The following PVT1 variants were observed in gnomAD, a reference collection of about 807,000 sequenced individuals.
PVT1 encodes Pvt1 oncogene.
At chr8:127,873,298 A>G (rs1343796764) in intron 2 of PVT1, among the ~76,000 whole-genome samples, 1 of 152,188 alleles carries the variant, frequency 6.6e-6, no homozygotes, top group Non-Finnish European at 1.5e-5. Context: ...GGGTAAGCAC[A>G]GCCCTGGATT....
At chr8:127,800,965 A>T (rs185039478) in intron 2 of PVT1, among the ~76,000 whole-genome samples, 5 of 152,194 alleles carry the variant, frequency 3.3e-5, no homozygotes, top group African/African-American at 9.6e-5. Flanking sequence ...GAGTCAGGGC[A>T]GGCTCCATGG....
intron 2 of PVT1, among the ~76,000 whole-genome samples, chr8:127,838,814 C>A (rs1056231784): frequency 6.6e-6 from 1 of 152,144 alleles, no homozygotes; most frequent in Non-Finnish European, 1.5e-5. Context: ...TCGTTATAAC[C>A]CTATGTTCTA....
chr8:127,825,117 T>TAA (rs58377389), intron 2 of PVT1, among the ~76,000 whole-genome samples: 13,360 of 80,858 alleles, frequency 0.17, 1,742 homozygotes, highest in East Asian at 0.33. Context: ...AAACACTAGC[T>TAA]AAAAAAAAAA....
intron 2 of PVT1, among the ~76,000 whole-genome samples, chr8:127,861,793 G>C (rs968254171): frequency 2.0e-5 from 3 of 152,192 alleles, no homozygotes; most frequent in African/African-American, 7.2e-5. Flanking sequence ...CAGGCACAGA[G>C]CAGGTACTGG....
intron 3 of PVT1, among the ~76,000 whole-genome samples, chr8:127,930,895 G>A (rs1298681132): frequency 6.6e-6 from 1 of 152,134 alleles, no homozygotes; most frequent in Non-Finnish European, 1.5e-5. Flanking sequence ...TCTCCAGCAA[G>A]ATATTGATGG....
At chr8:127,804,563 C>T (rs1474667266) in intron 2 of PVT1, among the ~76,000 whole-genome samples, 1 of 119,008 alleles carries the variant, frequency 8.4e-6, no homozygotes, top group African/African-American at 3.5e-5. Context: ...TTTTTTGAGA[C>T]AGCATCTCAT....
At chr8:127,882,461 CT>C (rs1444753192) in intron 2 of PVT1, among the ~76,000 whole-genome samples, 2 of 151,914 alleles carry the variant, frequency 1.3e-5, no homozygotes, top group African/African-American at 2.4e-5. Flanking sequence ...GAGACATCGT[CT>C]TTTTGGCATC....
chr8:127,866,838 C>A (rs1363158656), intron 2 of PVT1, among the ~76,000 whole-genome samples: 1 of 152,162 alleles, frequency 6.6e-6, no homozygotes, highest in Non-Finnish European at 1.5e-5. Context: ...CATCTGCCGA[C>A]CCTCCGCAGA....
chr8:127,963,559 G>A (rs947374874), intron 3 of PVT1, among the ~76,000 whole-genome samples: 1 of 152,130 alleles, frequency 6.6e-6, no homozygotes, highest in African/African-American at 2.4e-5. Flanking sequence ...CCATAGAAAG[G>A]CAGCACCCCC....
chr8:128,033,162 G>A (rs1317872220), intron 4 of PVT1, among the ~76,000 whole-genome samples: 1 of 152,200 alleles, frequency 6.6e-6, no homozygotes, highest in Non-Finnish European at 1.5e-5. Context: ...AGACTAGCAG[G>A]CACCTAGCAG....
At chr8:127,839,128 G>A (rs1224388814) in intron 2 of PVT1, among the ~76,000 whole-genome samples, 1 of 152,084 alleles carries the variant, frequency 6.6e-6, no homozygotes, top group Admixed American at 6.5e-5. Context: ...ATTGCCTAAC[G>A]CCGCATTTCT....
chr8:127,812,653 AG>A (rs963839397), intron 2 of PVT1, among the ~76,000 whole-genome samples: 1 of 145,232 alleles, frequency 6.9e-6, no homozygotes, highest in African/African-American at 2.5e-5. Flanking sequence ...AGGGAAGGGA[AG>A]GGAAGGAAGG....
intron 5 of PVT1, among the ~76,000 whole-genome samples, chr8:128,078,442 A>T (rs769013910): frequency 3.0e-4 from 45 of 152,368 alleles, no homozygotes; most frequent in Middle Eastern, 3.4e-3. Context: ...GCTTGTAAGC[A>T]ACCCCATGCT....
intron 2 of PVT1, among the ~76,000 whole-genome samples, chr8:127,886,355 A>G (rs939561536): frequency 1.1e-4 from 16 of 152,256 alleles, no homozygotes; most frequent in Non-Finnish European, 2.1e-4. Context: ...CTATAAATTA[A>G]TGTCTTTCAC....
At chr8:127,978,161 T>C (rs1280480010) in intron 3 of PVT1, among the ~76,000 whole-genome samples, 2 of 152,098 alleles carry the variant, frequency 1.3e-5, no homozygotes, top group East Asian at 3.8e-4. Flanking sequence ...TCTTTCTCTT[T>C]TTTTTTAAGA....
intron 3 of PVT1, among the ~76,000 whole-genome samples, chr8:127,969,845 C>T (rs1027213361): frequency 6.6e-6 from 1 of 152,148 alleles, no homozygotes; most frequent in Non-Finnish European, 1.5e-5. Context: ...TGAACCCTGG[C>T]CTGTCTGACA....
At chr8:128,041,801 C>T (rs1402077798) in intron 4 of PVT1, among the ~76,000 whole-genome samples, 7 of 152,234 alleles carry the variant, frequency 4.6e-5, no homozygotes, top group Non-Finnish European at 1.0e-4. Context: ...CTCCTTAAAA[C>T]AGTTTGGATG....
intron 2 of PVT1, among the ~76,000 whole-genome samples, chr8:127,832,697 A>G (rs1814865617): frequency 1.3e-5 from 2 of 152,114 alleles, no homozygotes; most frequent in Non-Finnish European, 1.5e-5. Flanking sequence ...TCTCTACTAA[A>G]AATACAAAAA....
chr8:127,957,304 C>T (rs556411937), intron 3 of PVT1, among the ~76,000 whole-genome samples: 6 of 152,194 alleles, frequency 3.9e-5, no homozygotes, highest in Non-Finnish European at 7.3e-5. Flanking sequence ...CACGGTGGCT[C>T]ATGCCTGTAA....
Sources: allele counts gnomAD v4.1 joint callset (sites outside exome capture counted in the v4.1 genomes callset), GRCh38; gene constraint gnomAD v4.1.1; transcripts MANE v1.5; gene names NCBI Gene and HGNC (gene_info 2026-07-23, HGNC 2026-07-21).